Variants in RABGAP1L observed in about 807,000 individuals in gnomAD.
RABGAP1L encodes RAB GTPase activating protein 1 like.
Under a neutral mutation model 137.7 loss-of-function variants are expected in RABGAP1L, and 63 were observed. The observed-to-expected ratio is 0.46, with a 90% CI of 0.37 to 0.56. RABGAP1L has a LOEUF of 0.56. RABGAP1L is among the 20% of genes least tolerant of loss of function. The probability of loss-of-function intolerance (pLI) is 0.00; values close to 1 mark genes in which losing one functional copy is unlikely to be tolerated. For missense variants in RABGAP1L, 1,095 were observed against 1,244.0 expected (o/e 0.88, Z 1.80); for synonymous variants, 431 against 433.7 (o/e 0.99, Z 0.08).
At chr1:174,503,621 A>C (rs1212201284) in intron 13 of RABGAP1L, among the ~76,000 whole-genome samples, 1 of 141,286 alleles carries the variant, frequency 7.1e-6, no homozygotes, top group Non-Finnish European at 1.5e-5. Flanking sequence ...AGATTGCACC[A>C]CTGCACTCCA....
At chr1:174,731,727 A>G (rs1682492959) in intron 17 of RABGAP1L, among the ~76,000 whole-genome samples, 1 of 152,180 alleles carries the variant, frequency 6.6e-6, no homozygotes. Flanking sequence ...TAGATTCTAT[A>G]GGCATATTCT....
chr1:174,240,104 G>C (rs1170975081), intron 4 of RABGAP1L, among the ~76,000 whole-genome samples: 2 of 152,212 alleles, frequency 1.3e-5, no homozygotes, highest in South Asian at 2.1e-4. Flanking sequence ...CCTTGACAGA[G>C]ATTTAGTGTT....
intron 18 of RABGAP1L, among the ~76,000 whole-genome samples, chr1:174,807,168 A>G (rs943310534): frequency 6.6e-6 from 1 of 152,198 alleles, no homozygotes; most frequent in Non-Finnish European, 1.5e-5. Flanking sequence ...GTATGTAATG[A>G]TGGGGTAAAG....
Position 174,221,152 on chromosome 1 carries a change from C to A in RABGAP1L, c.319C>A (p.Pro107Thr). Reference protein sequence around the residue: ...NKPSLQLILDPSNTEISTPRP... With the variant: ...NKPSLQLILDTSNTEISTPRP... ...GCCATCTCTTCAGTTAATTTTGGATCCGTCTAACACAGGTACTGTATTGAA... is the reference window on the plus strand; with the variant it reads ...GCCATCTCTTCAGTTAATTTTGGATACGTCTAACACAGGTACTGTATTGAA... Residue 107 changes from proline to threonine, a missense_variant, in exon 3 of 26, where the codon CCG (proline) becomes ACG (threonine). Pro to Thr is a conservative substitution (Grantham distance 38, BLOSUM62 -1). Coordinates refer to ENST00000681986, the MANE Select transcript of RABGAP1L (RefSeq NM_001366446.1). 1.9e-6 allele frequency: 3 copies of A among 1,601,854 alleles called. No individual in the cohort carries two copies. Among genetic ancestry groups the A allele is most frequent in the Non-Finnish European group, 2.6e-6 (3 of 1,173,600 alleles).
chr1:174,637,602 T>G (rs938105945), intron 14 of RABGAP1L, 114 bp downstream of exon 14: 49 of 764,140 alleles, frequency 6.4e-5, no homozygotes, highest in Non-Finnish European at 4.4e-6. Context: ...TGCCATGTTT[T>G]CTGCTTTGCA....
intron 13 of RABGAP1L, among the ~76,000 whole-genome samples, chr1:174,561,955 C>A (rs1284154312): frequency 6.6e-6 from 1 of 152,184 alleles, no homozygotes; most frequent in African/African-American, 2.4e-5. Context: ...GCAAAGACTT[C>A]ATGTCCAAAA....
intron 17 of RABGAP1L, among the ~76,000 whole-genome samples, chr1:174,711,381 C>CT (rs1553239008): frequency 6.6e-6 from 1 of 152,062 alleles, no homozygotes; most frequent in Non-Finnish European, 1.5e-5. Flanking sequence ...TGCCGGCACG[C>CT]TGTCACCTCT....
intron 11 of RABGAP1L, among the ~76,000 whole-genome samples, chr1:174,306,937 C>T (rs1678321682): frequency 6.6e-6 from 1 of 152,102 alleles, no homozygotes; most frequent in Non-Finnish European, 1.5e-5. Context: ...TCTTAGAATT[C>T]TCAGTCTTGC....
intron 13 of RABGAP1L, among the ~76,000 whole-genome samples, chr1:174,575,047 C>T (rs937256082): frequency 6.6e-6 from 1 of 152,244 alleles, no homozygotes; most frequent in African/African-American, 2.4e-5. Context: ...TCTCCTGCCT[C>T]AGCCTTCCGA....
intron 4 of RABGAP1L, among the ~76,000 whole-genome samples, chr1:174,239,568 T>G (rs1033332198): frequency 6.6e-6 from 1 of 152,204 alleles, no homozygotes; most frequent in African/African-American, 2.4e-5. Context: ...CTGGGCCATT[T>G]TTTTTTCCTT....
intron 19 of RABGAP1L, among the ~76,000 whole-genome samples, chr1:174,911,063 T>G (rs1381278307): frequency 6.6e-6 from 1 of 152,234 alleles, no homozygotes; most frequent in Non-Finnish European, 1.5e-5. Context: ...TTGAGTATCT[T>G]TTCTCGTGCT....
chr1:174,975,033 A>G (rs948557618), intron 21 of RABGAP1L, among the ~76,000 whole-genome samples: 1 of 152,012 alleles, frequency 6.6e-6, no homozygotes, highest in Non-Finnish European at 1.5e-5. Flanking sequence ...TCTCTGCTGA[A>G]CTCATCCTGT....
At chr1:174,554,720 T>A (rs1462521052) in intron 13 of RABGAP1L, among the ~76,000 whole-genome samples, 1 of 152,154 alleles carries the variant, frequency 6.6e-6, no homozygotes, top group African/African-American at 2.4e-5. Context: ...AATTAAGGAG[T>A]TAATTTTCTG....
intron 24 of RABGAP1L, among the ~76,000 whole-genome samples, chr1:174,988,287 T>C (rs911180006): frequency 2.6e-5 from 4 of 152,360 alleles, no homozygotes; most frequent in Middle Eastern, 3.4e-3. Flanking sequence ...TGCTTACTTA[T>C]ACAGTTGCTC....
rs530104302 is a variant in RABGAP1L, at chr1:174,393,671, G to A, written c.1560-324G>A. ...AGGGAATCCAGATGGTTCTTTTTAT[G>A]CCTTGAAATGTTGCCTAGCAATATA... On this transcript the variant is annotated intron_variant, in intron 12 of 25. Coordinates refer to ENST00000681986, the MANE Select transcript of RABGAP1L (RefSeq NM_001366446.1). 5.3e-5 allele frequency among the ~76,000 whole-genome samples: 8 copies of A among 152,242 alleles called. No homozygotes were observed. In the South Asian group the frequency reaches 1.0e-3, roughly 20 times the overall value.
chr1:174,201,808 C>G (rs1378574785), intron 1 of RABGAP1L, among the ~76,000 whole-genome samples: 2 of 123,544 alleles, frequency 1.6e-5, no homozygotes, highest in African/African-American at 3.0e-5. Flanking sequence ...CCCCTCCCCC[C>G]ACCCCACAAC....
chr1:174,388,596 A>T (rs922541936), intron 12 of RABGAP1L, among the ~76,000 whole-genome samples: 1 of 152,168 alleles, frequency 6.6e-6, no homozygotes, highest in African/African-American at 2.4e-5. Flanking sequence ...CAGAATGGTA[A>T]TGCTGATGAT....
chr1:174,455,910 T>C (rs1655992110), intron 13 of RABGAP1L, among the ~76,000 whole-genome samples: 1 of 152,128 alleles, frequency 6.6e-6, no homozygotes. Flanking sequence ...AACAAGATCA[T>C]GTCGTTTGAC....
chr1:174,349,417 C>T (rs1266763893), intron 11 of RABGAP1L, among the ~76,000 whole-genome samples: 1 of 135,954 alleles, frequency 7.4e-6, no homozygotes, highest in Non-Finnish European at 1.6e-5. Context: ...GCTGACCCCC[C>T]CACCTCCCTC....
Sources: allele counts gnomAD v4.1 joint callset (sites outside exome capture counted in the v4.1 genomes callset), GRCh38; gene constraint gnomAD v4.1.1; transcripts MANE v1.5; gene names NCBI Gene and HGNC (gene_info 2026-07-23, HGNC 2026-07-21).